The following WWC1 variants were observed in gnomAD, a reference collection of about 807,000 sequenced individuals.
WWC1 encodes WW and C2 domain containing 1, also known as protein KIBRA.
Under a neutral mutation model 138.4 loss-of-function variants are expected in WWC1, and 55 were observed. The ratio of observed to expected loss-of-function variants is 0.40; its 90% CI spans 0.32 to 0.50. The LOEUF is 0.50. WWC1 is among the 20% of genes least tolerant of loss of function. The probability of loss-of-function intolerance (pLI) is 0.72; values close to 1 mark genes in which losing one functional copy is unlikely to be tolerated. For missense variants in WWC1, 1,226 were observed against 1,420.4 expected, an observed-to-expected ratio of 0.86 and a Z score of 2.20; for synonymous variants, 524 against 564.9, an observed-to-expected ratio of 0.93 and a Z score of 1.03.
chr5:168,443,035 A>T (rs994402111), intron 16 of WWC1, among the ~76,000 whole-genome samples: 1 of 151,688 alleles, frequency 6.6e-6, no homozygotes, highest in South Asian at 2.1e-4. Flanking sequence ...TTAGTCTTAC[A>T]TATGGGGTAT....
intron 1 of WWC1, among the ~76,000 whole-genome samples, chr5:168,337,917 G>A (rs144849512): frequency 7.1e-4 from 108 of 152,294 alleles, no homozygotes; most frequent in Middle Eastern, 3.4e-3. Flanking sequence ...GGGATGAGGA[G>A]AGAAAGAAGG....
chr5:168,330,173 TAAAAGA>T, intron 1 of WWC1, among the ~76,000 whole-genome samples: 1 of 152,250 alleles, frequency 6.6e-6, no homozygotes, highest in Middle Eastern at 3.4e-3. Flanking sequence ...AAAAAATTCC[TAAAAGA>T]AATGTTCCCG....
chr5:168,409,739 T>C (rs562633340), intron 7 of WWC1, among the ~76,000 whole-genome samples, 183 bp from the exon 8 acceptor site: 3 of 152,316 alleles, frequency 2.0e-5, no homozygotes, highest in Admixed American at 1.3e-4. Context: ...TCCCGTGGCC[T>C]GAAGGGAGGA....
At chr5:168,407,359 G>A (rs17633160) in intron 6 of WWC1, among the ~76,000 whole-genome samples, 31 of 152,160 alleles carry the variant, frequency 2.0e-4, no homozygotes, top group Admixed American at 1.2e-3. Flanking sequence ...AAGCTAGAGC[G>A]GTGATTCAAA....
intron 1 of WWC1, among the ~76,000 whole-genome samples, chr5:168,293,029 G>T (rs756692989): frequency 9.2e-5 from 14 of 152,192 alleles, no homozygotes; most frequent in Non-Finnish European, 1.9e-4. Flanking sequence ...ATCGGGGAAG[G>T]GGGCGGCGAG....
rs1769082542 is a variant in WWC1, at chr5:168,291,942, G to A, written c.-211G>A. ...TGGCAGCGTGAGAGGCCGGCGGCGG[G>A]AGGAGCGGGCGGCGCCGGGTCGGGG... On this transcript the variant is annotated 5_prime_UTR_variant, in exon 1 of 23. Transcript: ENST00000265293. The A allele has an allele frequency of 3.1e-6, 1 of 325,674 alleles. No individual in the cohort carries two copies. The highest frequency in any genetic ancestry group is 2.2e-5 in the African/African-American group (1 of 45,798). 20.2% of individuals were successfully genotyped at this position (325,674 alleles called of 1,614,324 possible). A position where few individuals can be genotyped will look rare whatever the true frequency, so the allele number is the denominator to read the frequency against.
chr5:168,468,003 A>G, intron 22 of WWC1, 39 bp downstream of exon 22: 1 of 1,612,330 alleles, frequency 6.2e-7, no homozygotes, highest in Non-Finnish European at 8.5e-7. Flanking sequence ...TCCCTTTCTC[A>G]GCCAACCCAC....
intron 1 of WWC1, among the ~76,000 whole-genome samples, chr5:168,326,755 G>A (rs2152763198): frequency 6.7e-6 from 1 of 149,058 alleles, no homozygotes; most frequent in East Asian, 2.0e-4. Flanking sequence ...GGACAGGCTG[G>A]TCTTGAACTC....
intron 1 of WWC1, among the ~76,000 whole-genome samples, chr5:168,310,394 T>TTG (rs576383715): frequency 1.3e-5 from 2 of 151,102 alleles, no homozygotes; most frequent in Admixed American, 1.3e-4. Flanking sequence ...ACCATTTAAA[T>TTG]TGTGTGTGTG....
chr5:168,356,967 A>G (rs1012868830), intron 1 of WWC1, among the ~76,000 whole-genome samples: 3 of 152,180 alleles, frequency 2.0e-5, no homozygotes, highest in Admixed American at 1.3e-4. Context: ...TCTGAGTGTC[A>G]TCTGTAAAAC....
chr5:168,346,174 G>A (rs530243535), intron 1 of WWC1, among the ~76,000 whole-genome samples: 6 of 152,058 alleles, frequency 3.9e-5, no homozygotes, highest in South Asian at 2.1e-4. Flanking sequence ...GTCTGATGTC[G>A]AAAGGAAGGA....
chr5:168,350,469 C>CT (rs1015864591), intron 1 of WWC1, among the ~76,000 whole-genome samples: 1 of 152,208 alleles, frequency 6.6e-6, no homozygotes, highest in Non-Finnish European at 1.5e-5. Flanking sequence ...ATCCCTTCCT[C>CT]TGCTGGTCCC....
intron 9 of WWC1, among the ~76,000 whole-genome samples, chr5:168,418,446 G>A (rs982823825): frequency 2.6e-5 from 4 of 152,208 alleles, no homozygotes; most frequent in Admixed American, 2.0e-4. Context: ...ACAGCTTGTG[G>A]GGACTCCAGC....
At chr5:168,401,982 G>A (rs1779343461) in intron 5 of WWC1, among the ~76,000 whole-genome samples, 1 of 152,196 alleles carries the variant, frequency 6.6e-6, no homozygotes, top group South Asian at 2.1e-4. Flanking sequence ...TTTACTGAAT[G>A]GGTTCTCTCT....
At chr5:168,412,159 G>A (rs1780276854) in intron 8 of WWC1, 1 of 985,310 alleles carries the variant, frequency 1.0e-6, no homozygotes, top group African/African-American at 1.7e-5. Context: ...AAGGACTGCA[G>A]TGCTCTCTCT....
intron 13 of WWC1, 151 bp downstream of exon 13, chr5:168,428,938 G>A (rs894807518): frequency 1.4e-6 from 1 of 708,886 alleles, no homozygotes; most frequent in African/African-American, 1.8e-5. Flanking sequence ...CTTAACTGAA[G>A]GGATGCTGAT....
In WWC1 at chr5:168,384,733, T is replaced by TTTTTTTTTTTTTG. The variant is rs1554101623; in HGVS notation, c.230-476_230-475insTTTTTTTTTTGTT. On this transcript the variant is annotated intron_variant, in intron 2 of 22. Coordinates refer to ENST00000265293, the MANE Select transcript of WWC1 (RefSeq NM_015238.3). Reference sequence around the variant, plus strand: ...TTATTCTTTTTTTTTTTTTTTTTTTTTTCAGACAGAGTCTCATTATGTCAT... The same window carrying TTTTTTTTTTTTTG: ...TTATTCTTTTTTTTTTTTTTTTTTTTTTTTTTTTTTTTGTTCAGACAGAGTCTCATTATGTCAT... Among the ~76,000 whole-genome samples, 2 of 144,472 alleles carry TTTTTTTTTTTTTG rather than the reference T, an allele frequency of 1.4e-5. 1 individual carries two copies. 94.8% of individuals were successfully genotyped at this position (144,472 alleles called of 152,430 possible). A position where few individuals can be genotyped will look rare whatever the true frequency, so the allele number is the denominator to read the frequency against.
At chr5:168,325,842 T>C (rs780460122) in intron 1 of WWC1, among the ~76,000 whole-genome samples, 3 of 152,178 alleles carry the variant, frequency 2.0e-5, no homozygotes, top group Non-Finnish European at 4.4e-5. Flanking sequence ...ACTACTATTC[T>C]GTCTCTGGCT....
At chr5:168,388,822 T>A (rs1178130591) in intron 3 of WWC1, among the ~76,000 whole-genome samples, 1 of 150,204 alleles carries the variant, frequency 6.7e-6, no homozygotes, top group East Asian at 2.0e-4. Context: ...AGAGCGAGAC[T>A]CCATCTCAAA....
Sources: gnomAD v4.1 joint callset for allele counts (sites outside exome capture counted in the v4.1 genomes callset) on GRCh38, gnomAD v4.1.1 for gene constraint, MANE v1.5 for transcripts, NCBI Gene and HGNC (gene_info 2026-07-23, HGNC 2026-07-21) for gene names.